Variants in RBM26 observed in about 807,000 individuals in gnomAD.
The protein encoded by RBM26 is RNA binding motif protein 26, also known as RNA-binding protein 26.
A neutral mutation model predicts 123.6 loss-of-function variants in RBM26; 30 were observed. The ratio of observed to expected loss-of-function variants is 0.24; its 90% CI spans 0.18 to 0.33. The LOEUF (loss-of-function observed/expected upper bound fraction) is 0.33. Among genes scored for constraint, RBM26 ranks in the 10% least tolerant of loss-of-function variants. The probability of loss-of-function intolerance (pLI) is 1.00; values close to 1 mark genes in which losing one functional copy is unlikely to be tolerated. For missense variants in RBM26, 947 were observed against 1,203.6 expected (o/e 0.79, Z 3.15); for synonymous variants, 400 against 404.4 (o/e 0.99, Z 0.13).
chr13:79,387,978 T>C (rs2077629357), intron 1 of RBM26, among the ~76,000 whole-genome samples: 2 of 152,216 alleles, frequency 1.3e-5, no homozygotes, highest in Non-Finnish European at 2.9e-5. Flanking sequence ...GCCTTTTCCC[T>C]AGAACAAATC....
At position 79,371,886 on chromosome 13, in the gene RBM26, T is replaced by A. The variant is rs780828369; in HGVS notation, c.372A>T (p.Leu124=). The change falls in exon 4 of 22, where the codon CTA becomes CTT. Residue 124 remains leucine, a synonymous_variant. Coordinates refer to ENST00000438737, the MANE Select transcript of RBM26 (RefSeq NM_001366735.2). The part of the protein sequence containing the change: ...EEREKKFSRR[L]NHSPPQSSSR... Reference sequence around the variant, plus strand: ...AGCTTGACTGGGGAGGACTGTGATTTAGCCTTCTAGAAAACTTCTTCTCTC... The same window carrying A: ...AGCTTGACTGGGGAGGACTGTGATTAAGCCTTCTAGAAAACTTCTTCTCTC... 6.2e-7 allele frequency: 1 copy of A among 1,613,274 alleles called. No homozygotes were observed. Among genetic ancestry groups the A allele is most frequent in the South Asian group, 1.1e-5 (1 of 91,062 alleles).
Position 79,369,038 on chromosome 13 carries a change from A to C in RBM26, c.635-48T>G, listed in dbSNP as rs777108170. On this transcript the variant is annotated intron_variant, in intron 5 of 21. Coordinates refer to ENST00000438737, the MANE Select transcript of RBM26 (RefSeq NM_001366735.2). ...TATAAAACTACACTGTATTAAAAAA[A>C]AAAAAGTCCCAGATCTAAGAAATAG... 40 of 1,264,058 alleles carry C rather than the reference A, an allele frequency of 3.2e-5. No homozygotes were observed. The South Asian group carries it at 7.4e-4, about 23-fold the overall frequency. 78.3% of individuals were successfully genotyped at this position (1,264,058 alleles called of 1,614,324 possible). A position where few individuals can be genotyped will look rare whatever the true frequency, so the allele number is the denominator to read the frequency against.
intron 16 of RBM26, among the ~76,000 whole-genome samples, 169 bp downstream of exon 16, chr13:79,344,079 T>C (rs1308903517): frequency 6.6e-6 from 1 of 152,088 alleles, no homozygotes; most frequent in African/African-American, 2.4e-5. Flanking sequence ...AAGTATAAAG[T>C]ATACCCACCA....
chr13:79,321,454 C>T (rs1333603651), intron 21 of RBM26, among the ~76,000 whole-genome samples: 1 of 151,336 alleles, frequency 6.6e-6, no homozygotes, highest in Non-Finnish European at 1.5e-5. Context: ...ATTTAGTTTT[C>T]CCACCTTACC....
chr13:79,373,473 AATATACAAATATATATAAT>A (rs1566508387), intron 3 of RBM26, among the ~76,000 whole-genome samples: 1 of 1,314 alleles, frequency 7.6e-4, no homozygotes, highest in Admixed American at 0.022. Flanking sequence ...AATATGTATA[AATATACAAATATATATAAT>A]ATGTATAAAT....
At chr13:79,353,282 G>T in intron 13 of RBM26, 58 bp from the exon 14 acceptor site, 1 of 1,013,458 alleles carries the variant, frequency 9.9e-7, no homozygotes, top group South Asian at 1.4e-5. Flanking sequence ...AAGTCTGTTG[G>T]GATCTTGAAC....
intron 1 of RBM26, among the ~76,000 whole-genome samples, chr13:79,398,153 C>T (rs531661577): frequency 1.3e-4 from 20 of 152,190 alleles, no homozygotes; most frequent in South Asian, 4.1e-4. Context: ...AACAGCTTAC[C>T]ATTCATTCAT....
chr13:79,338,097 A>G (rs949754154), intron 18 of RBM26, among the ~76,000 whole-genome samples: 5 of 152,178 alleles, frequency 3.3e-5, no homozygotes, highest in Non-Finnish European at 7.4e-5. Flanking sequence ...CTGTAGTCCC[A>G]GCTACTCGGG....
intron 11 of RBM26, among the ~76,000 whole-genome samples, chr13:79,357,904 C>T (rs538992441): frequency 7.8e-5 from 9 of 115,912 alleles, no homozygotes; most frequent in African/African-American, 2.6e-4. Context: ...TTTTTTGAGA[C>T]AGAGTTTTGC....
chr13:79,356,037 C>G (rs2073937206), intron 11 of RBM26, among the ~76,000 whole-genome samples: 1 of 152,152 alleles, frequency 6.6e-6, no homozygotes, highest in South Asian at 2.1e-4. Flanking sequence ...ATATAAACCA[C>G]TGGTGGTGTG....
intron 1 of RBM26, among the ~76,000 whole-genome samples, chr13:79,395,913 G>C (rs564397354): frequency 6.7e-6 from 1 of 148,980 alleles, no homozygotes; most frequent in East Asian, 1.9e-4. Context: ...AAAAAAATGG[G>C]GCAGAAAAAT....
intron 1 of RBM26, among the ~76,000 whole-genome samples, chr13:79,390,565 T>A (rs1477947383): frequency 6.6e-6 from 1 of 152,320 alleles, no homozygotes; most frequent in East Asian, 1.9e-4. Context: ...ACTTAAGATC[T>A]GTGCACTTGA....
At chr13:79,350,931 T>C (rs559019379) in intron 14 of RBM26, among the ~76,000 whole-genome samples, 1 of 152,274 alleles carries the variant, frequency 6.6e-6, no homozygotes, top group South Asian at 2.1e-4. Context: ...GAATAAAAGT[T>C]ACATACTTAC....
At chr13:79,326,732 A>C (rs138804342) in intron 20 of RBM26, among the ~76,000 whole-genome samples, 9 of 152,278 alleles carry the variant, frequency 5.9e-5, no homozygotes, top group Non-Finnish European at 1.0e-4. Context: ...CTCAGAAAGC[A>C]AAGAATAATG....
chr13:79,349,078 A>G (rs9545080), intron 14 of RBM26, among the ~76,000 whole-genome samples: 8,784 of 152,274 alleles, frequency 0.058, 318 homozygotes, highest in Middle Eastern at 0.23. Flanking sequence ...CTGTTAGTCA[A>G]GTCACCGTAA....
chr13:79,371,042 A>G lies in RBM26; in HGVS notation c.537T>C (p.Tyr179=), dbSNP rs770088406. 4.1e-5 allele frequency: 66 copies of G among 1,613,402 alleles called. No homozygotes were observed. Among genetic ancestry groups the G allele is most frequent in the South Asian group, 3.6e-4 (33 of 91,078 alleles). ...YNRRRGRSRS[Y]SRSRSRSWSK... Reference sequence around the variant, plus strand: ...TCCAACTTCGACTTCGACTCCTGCTATAACTGCGACTCCGCCCTCGTCTTC... The same window carrying G: ...TCCAACTTCGACTTCGACTCCTGCTGTAACTGCGACTCCGCCCTCGTCTTC... The change falls in exon 5 of 22, where the codon TAT becomes TAC. Residue 179 remains tyrosine (Y), a synonymous_variant. Coordinates refer to ENST00000438737, the MANE Select transcript of RBM26 (RefSeq NM_001366735.2).
Position 79,369,378 on chromosome 13 carries a change from C to A in RBM26, c.635-388G>T, listed in dbSNP as rs1281531792. On this transcript the variant is annotated intron_variant, in intron 5 of 21. Transcript: ENST00000438737. Reference sequence around the variant, plus strand: ...TGTAGTCATCCATTTAAAGTTACTACAATGGCTGTTATATTAAGATAAGAA... The same window carrying A: ...TGTAGTCATCCATTTAAAGTTACTAAAATGGCTGTTATATTAAGATAAGAA... 1.5e-3 allele frequency among the ~76,000 whole-genome samples: 6 copies of A among 4,060 alleles called. No individual in the cohort carries two copies. The East Asian group carries it at 0.28, about 188-fold the overall frequency. 2.7% of individuals were successfully genotyped at this position (4,060 alleles called of 152,430 possible). A position where few individuals can be genotyped will look rare whatever the true frequency, so the allele number is the denominator to read the frequency against.
chr13:79,391,679 C>T (rs919552150), intron 1 of RBM26, among the ~76,000 whole-genome samples: 17 of 152,076 alleles, frequency 1.1e-4, no homozygotes, highest in African/African-American at 3.6e-4. Flanking sequence ...CCACCTCAGC[C>T]TCCCAAAGTG....
chr13:79,367,190 C>T (rs1469445608), intron 6 of RBM26, among the ~76,000 whole-genome samples: 6 of 151,054 alleles, frequency 4.0e-5, no homozygotes, highest in South Asian at 2.1e-4. Context: ...GTGGATCACC[C>T]GAGGTCAGGA....
Sources: gnomAD v4.1 joint callset for allele counts (sites outside exome capture counted in the v4.1 genomes callset) on GRCh38, gnomAD v4.1.1 for gene constraint, MANE v1.5 for transcripts, NCBI Gene and HGNC (gene_info 2026-07-23, HGNC 2026-07-21) for gene names.